TRAPPC6A: variants seen among roughly 807,000 people sequenced by gnomAD.
TRAPPC6A encodes trafficking protein particle complex subunit 6A, also known as TRAPP complex subunit 6A.
Under a neutral mutation model 20.8 loss-of-function variants are expected in TRAPPC6A, and 25 were observed. That is an observed-to-expected ratio of 1.20 (90% CI 0.88 to 1.68). The LOEUF (loss-of-function observed/expected upper bound fraction) is 1.68, where lower values mean the gene tolerates loss of function less well. Among genes scored for constraint, TRAPPC6A ranks in the 40% most tolerant of loss-of-function variants. TRAPPC6A has a pLI of 0.00. For synonymous variants in TRAPPC6A, 96 were observed against 93.3 expected (o/e 1.03, Z -0.16); for missense variants, 215 against 211.6 (o/e 1.02, Z -0.10).
intron 1 of TRAPPC6A, among the ~76,000 whole-genome samples, chr19:45,167,035 C>G (rs571819683): frequency 6.6e-6 from 1 of 152,262 alleles, no homozygotes; most frequent in East Asian, 1.9e-4. Flanking sequence ...ACTTCCTTCC[C>G]TTCCTCCCTC....
At position 45,163,123 on chromosome 19, in the gene TRAPPC6A, C is replaced by G; in HGVS notation, c.*69G>C. 1 of 1,580,650 alleles carries G rather than the reference C, an allele frequency of 6.3e-7. No homozygotes were observed. Among genetic ancestry groups the G allele is most frequent in the Non-Finnish European group, 8.7e-7 (1 of 1,152,856 alleles). On this transcript the variant is annotated 3_prime_UTR_variant, in exon 6 of 6. Coordinates refer to ENST00000585934, the MANE Select transcript of TRAPPC6A (RefSeq NM_001270891.2). This position sits in a 1 kb window ranked among gnomAD's most constrained non-coding sequence, Gnocchi z 5.3. ...TTCCCAAGACCACCCCGAAATGCAG[C>G]GGCCCCACCGTCTCCTGAGGCCGGT... is the stretch of plus-strand genomic sequence containing the variant.
rs776870279 is a variant in TRAPPC6A at position 45,165,142 on chromosome 19, TG to T, written c.136del (p.Gln46ArgfsTer3). The part of the protein sequence containing the change: ...VLEGMGFRVG[Q>X]ALGERLPRET... ...CCGCGCTCACCTCTCGCCTAGAGCC[TG>T]GCCCACACGGAACCCCATACCCTCC... On this transcript the variant is annotated frameshift_variant, in exon 2 of 6. Coordinates refer to ENST00000585934, the MANE Select transcript of TRAPPC6A (RefSeq NM_001270891.2). LOFTEE classifies it high-confidence loss of function. 3.1e-6 allele frequency: 5 copies of T among 1,611,466 alleles called. No individual in the cohort carries two copies. In the Admixed American group the frequency reaches 8.4e-5, roughly 27 times the overall value.
intron 1 of TRAPPC6A, among the ~76,000 whole-genome samples, chr19:45,166,435 C>T (rs1355931488): frequency 6.6e-6 from 1 of 151,936 alleles, no homozygotes; most frequent in Non-Finnish European, 1.5e-5. Flanking sequence ...TCTCAAACTC[C>T]TAGCCTCAAG....
At chr19:45,166,331 C>G (rs549285748) in intron 1 of TRAPPC6A, among the ~76,000 whole-genome samples, 2 of 151,786 alleles carry the variant, frequency 1.3e-5, no homozygotes, top group East Asian at 3.9e-4. Flanking sequence ...CTCAGCCTCC[C>G]GAGTAGCTGG....
chr19:45,173,720 AAG>A lies in TRAPPC6A; in HGVS notation c.84+4413_84+4414del, dbSNP rs1165005778. On this transcript the variant is annotated intron_variant, in intron 1 of 5. Coordinates refer to ENST00000585934, the MANE Select transcript of TRAPPC6A (RefSeq NM_001270891.2). The surrounding 1 kb of genome is among the most constrained non-coding windows in gnomAD (Gnocchi z 4.8). ...ATGGAGAGAGGAGGTGGGGCCAATAAAGAGAAAGGACTGAGGAAGCCGTTTCT... is the reference window on the plus strand; with the variant it reads ...ATGGAGAGAGGAGGTGGGGCCAATAAAGAAAGGACTGAGGAAGCCGTTTCT... Among the ~76,000 whole-genome samples the A allele has an allele frequency of 6.6e-6, 1 of 152,176 alleles. No individual in the cohort carries two copies. The highest frequency in any genetic ancestry group is 1.5e-5 in the Non-Finnish European group (1 of 68,036).
rs985436040 is a variant in TRAPPC6A, at chr19:45,163,965, G to A, written c.399C>T (p.Thr133=). ...TCGLLRGALY[T]LGIESVVTAS... The stretch of plus-strand genomic sequence containing the variant: ...CGGTGACCACGCTCTCAATGCCCAG[G>A]GTATAGAGGGCGCCGCGCAGGAGGC... Residue 133 remains threonine, a synonymous_variant, in exon 5 of 6, where the codon ACC becomes ACT. Transcript: ENST00000585934. This position sits in a 1 kb window ranked among gnomAD's most constrained non-coding sequence, Gnocchi z 5.3. 5.1e-6 allele frequency: 8 copies of A among 1,582,296 alleles called. No homozygotes were observed. In the South Asian group the frequency reaches 7.0e-5, roughly 14 times the overall value.
intron 3 of TRAPPC6A, 35 bp downstream of exon 3, chr19:45,164,818 G>C (rs2122823116): frequency 1.3e-6 from 2 of 1,590,656 alleles, no homozygotes; most frequent in South Asian, 2.2e-5. Context: ...TTGCCCTCAG[G>C]AGGAAGCTGG....
chr19:45,169,806 G>A (rs944007998), intron 1 of TRAPPC6A, among the ~76,000 whole-genome samples: 6 of 152,162 alleles, frequency 3.9e-5, no homozygotes, highest in East Asian at 1.9e-4. Flanking sequence ...GAGGGAACAC[G>A]TCTGTGTCCA....
chr19:45,168,600 T>C (rs984460201), intron 1 of TRAPPC6A, among the ~76,000 whole-genome samples: 8 of 152,170 alleles, frequency 5.3e-5, no homozygotes, highest in African/African-American at 1.9e-4. Flanking sequence ...ACCCAGACAA[T>C]GGTCCCGGGA....
intron 4 of TRAPPC6A, 54 bp downstream of exon 4, chr19:45,164,110 G>A (rs1391163158): frequency 3.1e-5 from 48 of 1,560,180 alleles, no homozygotes; most frequent in Non-Finnish European, 4.1e-5. Flanking sequence ...GTGGGATGGG[G>A]CTGGGTAAAC....
At chr19:45,175,743 G>A (rs905529362) in intron 1 of TRAPPC6A, among the ~76,000 whole-genome samples, 3 of 152,082 alleles carry the variant, frequency 2.0e-5, no homozygotes, top group African/African-American at 7.2e-5. Context: ...CAGAGCCTGG[G>A]GGAGGGCTGC....
intron 1 of TRAPPC6A, among the ~76,000 whole-genome samples, chr19:45,169,359 C>T (rs1020223059): frequency 6.6e-6 from 1 of 152,190 alleles, no homozygotes; most frequent in Admixed American, 6.5e-5. Context: ...TGCAATGGCA[C>T]GATCTTGGCT....
chr19:45,164,757 C>T (rs1164918164), intron 3 of TRAPPC6A, 96 bp downstream of exon 3: 3 of 1,196,230 alleles, frequency 2.5e-6, no homozygotes, highest in Admixed American at 1.7e-5. Flanking sequence ...TGGGCGGGTC[C>T]CGGCAGCCGC....
At chr19:45,170,126 G>A (rs1340210106) in intron 1 of TRAPPC6A, among the ~76,000 whole-genome samples, 1 of 152,180 alleles carries the variant, frequency 6.6e-6, no homozygotes, top group East Asian at 1.9e-4. Flanking sequence ...AGGGGTGAGA[G>A]GCGGGGAAGG....
intron 1 of TRAPPC6A, among the ~76,000 whole-genome samples, chr19:45,176,996 C>G (rs1969393852): frequency 6.6e-6 from 1 of 151,676 alleles, no homozygotes; most frequent in Non-Finnish European, 1.5e-5. Context: ...GAAAACCCGT[C>G]TCTACTAAAA....
At position 45,165,106 on chromosome 19, in the gene TRAPPC6A, A is replaced by C. The variant is rs372412883; in HGVS notation, c.152+21T>G. ...AGCCCTGCCAGCCAGGCTGGGGGAG[A>C]GCAGGAGGGGCCGCGCTCACCTCTC... is the stretch of plus-strand genomic sequence containing the variant. On this transcript the variant is annotated intron_variant, in intron 2 of 5. Transcript: ENST00000585934. 5 of 1,612,510 alleles carry C rather than the reference A, an allele frequency of 3.1e-6. No individual in the cohort carries two copies. The African/African-American group carries it at 6.7e-5, about 22-fold the overall frequency.
Position 45,163,035 on chromosome 19 carries a change from C to T in TRAPPC6A, c.*157G>A. On this transcript the variant is annotated 3_prime_UTR_variant, in exon 6 of 6. Transcript: ENST00000585934. The surrounding 1 kb of genome is among the most constrained non-coding windows in gnomAD (Gnocchi z 5.3). ...CGCAGCTGGGACCCCTTTGCCTCCTCTGACACCCCCACCTCAATTTGATAC... is the reference window on the plus strand; with the variant it reads ...CGCAGCTGGGACCCCTTTGCCTCCTTTGACACCCCCACCTCAATTTGATAC... 1.2e-6 allele frequency: 1 copy of T among 829,240 alleles called. No homozygotes were observed. The highest frequency in any genetic ancestry group is 1.9e-6 in the Non-Finnish European group (1 of 539,278). The allele number at this position is 829,240 out of a possible 1,614,324, so 51.4% of individuals were successfully genotyped here. A position where few individuals can be genotyped will look rare whatever the true frequency, so the allele number is the denominator to read the frequency against.
In TRAPPC6A at chr19:45,177,059, T is replaced by C; in HGVS notation, c.84+1076A>G. 1.3e-5 allele frequency among the ~76,000 whole-genome samples: 2 copies of C among 152,160 alleles called. 1 individual carries two copies. Among genetic ancestry groups the C allele is most frequent in the Non-Finnish European group, 2.9e-5 (2 of 68,016 alleles). ...CAGGTGTGGTGGCGCCAGCAGCGCT[T>C]GTGGTCCCAGCTACTTGGGAGGCTG... On this transcript the variant is annotated intron_variant, in intron 1 of 5. Transcript: ENST00000585934.
Position 45,173,570 on chromosome 19 carries a change from T to C in TRAPPC6A, c.84+4565A>G, listed in dbSNP as rs1969306500. The stretch of plus-strand genomic sequence containing the variant: ...TCTACCAAGCACAGGGTCCCTCCTC[T>C]GTGAATCGGGAGGGCTGTCCTGAGG... On this transcript the variant is annotated intron_variant, in intron 1 of 5. Transcript: ENST00000585934. The surrounding 1 kb of genome is among the most constrained non-coding windows in gnomAD (Gnocchi z 4.8). Among the ~76,000 whole-genome samples the C allele has an allele frequency of 6.6e-6, 1 of 152,158 alleles. No individual in the cohort carries two copies. The highest frequency in any genetic ancestry group is 1.9e-4 in the East Asian group (1 of 5,190).
Sources: gnomAD v4.1 joint callset for allele counts (sites outside exome capture counted in the v4.1 genomes callset) on GRCh38, gnomAD v4.1.1 for gene constraint, Gnocchi (gnomAD v3.1) non-coding constraint, MANE v1.5 for transcripts, NCBI Gene and HGNC (gene_info 2026-07-23, HGNC 2026-07-21) for gene names.